Variants in XPO6 observed in about 807,000 individuals in gnomAD.
XPO6 encodes exportin-6.
A neutral mutation model predicts 130.0 loss-of-function variants in XPO6; 3 were observed. The ratio of observed to expected loss-of-function variants is 0.02; its 90% CI spans 0.01 to 0.06. The LOEUF (loss-of-function observed/expected upper bound fraction) is 0.06, where lower values mean the gene tolerates loss of function less well. XPO6 is among the 10% of genes least tolerant of loss of function. The probability of loss-of-function intolerance (pLI) is 1.00; values close to 1 mark genes in which losing one functional copy is unlikely to be tolerated. For synonymous variants in XPO6, 524 were observed against 548.9 expected (o/e 0.95, Z 0.63); for missense variants, 970 against 1,393.0 (o/e 0.70, Z 4.83).
At chr16:28,131,908 G>A (rs1567610444) in intron 12 of XPO6, among the ~76,000 whole-genome samples, 2 of 152,214 alleles carry the variant, frequency 1.3e-5, no homozygotes, top group Admixed American at 6.5e-5. Context: ...AGCCCCTGGG[G>A]CCATTTGCAA....
intron 1 of XPO6, among the ~76,000 whole-genome samples, chr16:28,203,979 T>C (rs906060332): frequency 1.3e-5 from 2 of 152,170 alleles, no homozygotes; most frequent in Non-Finnish European, 1.5e-5. Flanking sequence ...CAAACTACCT[T>C]GATAGCCTTC....
chr16:28,206,285 G>A (rs1230823751), intron 1 of XPO6, among the ~76,000 whole-genome samples: 1 of 151,638 alleles, frequency 6.6e-6, no homozygotes, highest in African/African-American at 2.4e-5. Flanking sequence ...TCGCGCCTGT[G>A]ATCCTAGCAC....
chr16:28,125,896 A>C (rs1567606506), intron 12 of XPO6, 48 bp from the exon 13 acceptor site: 1 of 1,578,182 alleles, frequency 6.3e-7, no homozygotes, highest in Non-Finnish European at 8.6e-7. Context: ...ACCACGCTTT[A>C]GATACTACAG....
At chr16:28,203,576 T>C (rs923306487) in intron 1 of XPO6, among the ~76,000 whole-genome samples, 3 of 152,200 alleles carry the variant, frequency 2.0e-5, no homozygotes, top group African/African-American at 7.2e-5. Context: ...CATCAGCACA[T>C]GGCCCATCTC....
intron 1 of XPO6, among the ~76,000 whole-genome samples, chr16:28,192,987 C>T (rs529544470): frequency 2.6e-5 from 4 of 152,270 alleles, no homozygotes; most frequent in South Asian, 4.1e-4. Context: ...GGGCAAACCC[C>T]GCAAGCTCCT....
intron 1 of XPO6, among the ~76,000 whole-genome samples, chr16:28,211,135 G>A (rs1402037325): frequency 6.6e-6 from 1 of 152,214 alleles, no homozygotes; most frequent in Non-Finnish European, 1.5e-5. Context: ...CCAGATGCAA[G>A]GGTTGTGCCT....
chr16:28,154,309 T>G (rs2043147750), intron 7 of XPO6: 1 of 966,416 alleles, frequency 1.0e-6, no homozygotes, highest in South Asian at 4.9e-5. Context: ...ACAATCTCAA[T>G]TTTACTTTAG....
chr16:28,157,695 A>G (rs2043205714), intron 6 of XPO6, among the ~76,000 whole-genome samples: 1 of 152,260 alleles, frequency 6.6e-6, no homozygotes, highest in Non-Finnish European at 1.5e-5. Flanking sequence ...AAGCATATGA[A>G]GAGATTTCAA....
intron 9 of XPO6, among the ~76,000 whole-genome samples, chr16:28,145,334 T>C (rs1468038584): frequency 6.6e-6 from 1 of 152,188 alleles, no homozygotes; most frequent in East Asian, 1.9e-4. Flanking sequence ...TTTCCTGGCA[T>C]GCTGAATCTC....
intron 12 of XPO6, among the ~76,000 whole-genome samples, chr16:28,126,911 C>T (rs1303529867): frequency 4.6e-5 from 7 of 152,162 alleles, no homozygotes; most frequent in African/African-American, 1.7e-4. Flanking sequence ...GCTCCCTCCC[C>T]CTACTTCAGT....
In XPO6 at chr16:28,106,115, G is replaced by A. The variant is rs1171920360; in HGVS notation, c.2712C>T (p.Gly904=). The A allele has an allele frequency of 2.5e-6, 4 of 1,614,162 alleles. No individual in the cohort carries two copies. In the African/African-American group the frequency reaches 4.0e-5, roughly 16 times the overall value. The change falls in exon 20 of 24, where the codon GGC becomes GGT. Residue 904 remains glycine (G), a synonymous_variant. Coordinates refer to ENST00000304658, the MANE Select transcript of XPO6 (RefSeq NM_015171.4). This position sits in a 1 kb window ranked among gnomAD's most constrained non-coding sequence, Gnocchi z 4.2. ...TGGGGAGGAAGGGCTTGAACACCTG[G>A]CCTGGCTCCTGGACCACCACCTGCA... is the stretch of plus-strand genomic sequence containing the variant. ...KILQVVVQEP[G]QVFKPFLPSI...
At chr16:28,118,362 TATCTG>T (rs2087127275) in intron 14 of XPO6, among the ~76,000 whole-genome samples, 2 of 152,172 alleles carry the variant, frequency 1.3e-5, no homozygotes, top group Non-Finnish European at 2.9e-5. Context: ...GGTTTTTGTT[TATCTG>T]TTTGTTTACT....
intron 1 of XPO6, among the ~76,000 whole-genome samples, chr16:28,205,040 C>A (rs1017481508): frequency 6.6e-6 from 1 of 151,862 alleles, no homozygotes; most frequent in East Asian, 1.9e-4. Context: ...CCAGCCTGGG[C>A]GACAGAGCGA....
chr16:28,129,579 C>T (rs749116297), intron 12 of XPO6, among the ~76,000 whole-genome samples: 1 of 152,176 alleles, frequency 6.6e-6, no homozygotes, highest in Non-Finnish European at 1.5e-5. Context: ...AGAACAGCTC[C>T]TTGGCAATTC....
chr16:28,130,921 G>C (rs2042656794), intron 12 of XPO6, among the ~76,000 whole-genome samples: 1 of 152,100 alleles, frequency 6.6e-6, no homozygotes. Flanking sequence ...TGTGGGGGAG[G>C]AAAGAACACC....
intron 8 of XPO6, among the ~76,000 whole-genome samples, chr16:28,152,320 G>A (rs2043108934): frequency 6.6e-6 from 1 of 152,152 alleles, no homozygotes; most frequent in Admixed American, 6.5e-5. Context: ...AGAACTAAAG[G>A]CCGTAATTTC....
chr16:28,138,609 T>G (rs1174325189), intron 9 of XPO6, among the ~76,000 whole-genome samples: 1 of 152,140 alleles, frequency 6.6e-6, no homozygotes, highest in East Asian at 1.9e-4. Context: ...CCAATACCCA[T>G]TCTCCTTCCT....
intron 2 of XPO6, among the ~76,000 whole-genome samples, chr16:28,178,280 A>C (rs2043562939): frequency 6.6e-6 from 1 of 152,140 alleles, no homozygotes; most frequent in Admixed American, 6.5e-5. Flanking sequence ...TAAAAAATCC[A>C]TGGAAAGGCC....
chr16:28,135,426 C>T, intron 9 of XPO6, 102 bp from the exon 10 acceptor site: 1 of 923,968 alleles, frequency 1.1e-6, no homozygotes. Flanking sequence ...TGTTGATCAC[C>T]ATGGAAAAAG....
Sources: allele counts gnomAD v4.1 joint callset (sites outside exome capture counted in the v4.1 genomes callset), GRCh38; gene constraint gnomAD v4.1.1; non-coding constraint Gnocchi (gnomAD v3.1); transcripts MANE v1.5; gene names NCBI Gene and HGNC (gene_info 2026-07-23, HGNC 2026-07-21).